Variants in ATF7 observed in about 807,000 individuals in gnomAD.
The protein encoded by ATF7 is cyclic AMP-dependent transcription factor ATF-7.
ATF7 carries 10 observed loss-of-function variants against 50.4 expected under a neutral mutation model. That is an observed-to-expected ratio of 0.20 (90% confidence interval 0.12 to 0.34). ATF7 has a LOEUF of 0.34. Among genes scored for constraint, ATF7 ranks in the 10% least tolerant of loss-of-function variants. The pLI, the probability that ATF7 is intolerant of heterozygous loss-of-function variation, is 1.00. For missense variants in ATF7, 465 were observed against 613.9 expected, an observed-to-expected ratio of 0.76 and a Z score of 2.56; for synonymous variants, 201 against 226.4, an observed-to-expected ratio of 0.89 and a Z score of 1.01.
intron 2 of ATF7, among the ~76,000 whole-genome samples, chr12:53,565,829 T>C (rs1207547380): frequency 6.6e-6 from 1 of 152,138 alleles, no homozygotes; most frequent in Non-Finnish European, 1.5e-5. Flanking sequence ...TATGACTTTT[T>C]TCAATAAGGC....
At chr12:53,550,749 C>A (rs892642695) in intron 3 of ATF7, among the ~76,000 whole-genome samples, 2 of 152,076 alleles carry the variant, frequency 1.3e-5, no homozygotes, top group Non-Finnish European at 2.9e-5. Flanking sequence ...TATGACACAC[C>A]AGGTCTTAAC....
chr12:53,508,590 G>C (rs1273788806), downstream of ATF7, among the ~76,000 whole-genome samples: 1 of 151,784 alleles, frequency 6.6e-6, no homozygotes. Flanking sequence ...TATAGAGGGA[G>C]GCTACAGGAT....
intron 2 of ATF7, among the ~76,000 whole-genome samples, chr12:53,569,399 A>G (rs959193171): frequency 1.3e-5 from 2 of 152,132 alleles, no homozygotes; most frequent in South Asian, 2.1e-4. Context: ...CTATTCTCTT[A>G]TATGTGGAAT....
At chr12:53,559,526 A>G (rs1051679100) in intron 2 of ATF7, among the ~76,000 whole-genome samples, 5 of 152,054 alleles carry the variant, frequency 3.3e-5, no homozygotes, top group African/African-American at 1.2e-4. Flanking sequence ...AAGAAATACA[A>G]AAATCAGCTG....
chr12:53,532,030 T>A (rs1938929777), intron 8 of ATF7, 134 bp from the exon 9 acceptor site: 3 of 1,042,210 alleles, frequency 2.9e-6, no homozygotes, highest in Non-Finnish European at 4.1e-6. Context: ...AACAGAGGAA[T>A]TAAGAGAAAA....
At chr12:53,570,581 G>A (rs1941691474) in intron 2 of ATF7, among the ~76,000 whole-genome samples, 1 of 152,132 alleles carries the variant, frequency 6.6e-6, no homozygotes, top group Non-Finnish European at 1.5e-5. Context: ...TCTCAGTTCT[G>A]GAGGCCAGAG....
chr12:53,601,067 A>T, intron 1 of ATF7, 46 bp from the exon 2 acceptor site: 3 of 1,241,952 alleles, frequency 2.4e-6, no homozygotes, highest in Non-Finnish European at 3.4e-6. Flanking sequence ...AATATGCTGG[A>T]GCAAAAAAAA....
At chr12:53,558,393 GA>G (rs890952711) in intron 2 of ATF7, among the ~76,000 whole-genome samples, 39 of 152,226 alleles carry the variant, frequency 2.6e-4, no homozygotes, top group Admixed American at 3.9e-4. Context: ...CAGGGGAAGA[GA>G]AAAAGAAATA....
chr12:53,554,126 TTTTTA>T (rs1940556312), intron 2 of ATF7, among the ~76,000 whole-genome samples: 1 of 114,526 alleles, frequency 8.7e-6, no homozygotes, highest in Non-Finnish European at 1.8e-5. Flanking sequence ...AAATGTTTTA[TTTTTA>T]TTTATTTATT....
chr12:53,542,792 G>T, intron 4 of ATF7: 1 of 444,914 alleles, frequency 2.2e-6, no homozygotes, highest in Non-Finnish European at 3.0e-6. Flanking sequence ...GATCTCCTTT[G>T]AAAGACAGTA....
intron 1 of ATF7, among the ~76,000 whole-genome samples, chr12:53,611,862 G>A (rs1159241008): frequency 6.6e-6 from 1 of 152,046 alleles, no homozygotes; most frequent in African/African-American, 2.4e-5. Flanking sequence ...CTAAACTGCT[G>A]GTATTACAGA....
Position 53,537,275 on chromosome 12 carries a change from C to T in ATF7, c.402+140G>A, listed in dbSNP as rs1385014976. ...GTGGAGATGGGGTTTCTCCATGTTGCCCAGGCTGGTCTTGAATTTCTGGGC... is the reference window on the plus strand; with the variant it reads ...GTGGAGATGGGGTTTCTCCATGTTGTCCAGGCTGGTCTTGAATTTCTGGGC... On this transcript the variant is annotated intron_variant, in intron 5 of 11. Coordinates refer to ENST00000420353, the MANE Select transcript of ATF7 (RefSeq NM_006856.3). 5.1e-6 allele frequency: 5 copies of T among 977,698 alleles called. No homozygotes were observed. In the Admixed American group the frequency reaches 1.4e-4, roughly 27 times the overall value. 60.6% of individuals were successfully genotyped at this position (977,698 alleles called of 1,614,324 possible).
At chr12:53,518,830 G>C (rs1270044274) in intron 11 of ATF7, among the ~76,000 whole-genome samples, 2 of 151,906 alleles carry the variant, frequency 1.3e-5, no homozygotes, top group Non-Finnish European at 2.9e-5. Context: ...CGGATCAGGA[G>C]GTCAGGAGAT....
intron 4 of ATF7, among the ~76,000 whole-genome samples, chr12:53,539,651 T>A (rs995063709): frequency 6.6e-6 from 1 of 151,882 alleles, no homozygotes; most frequent in Admixed American, 6.6e-5. Context: ...ATTCTACCAA[T>A]GCACTCTAGC....
intron 2 of ATF7, among the ~76,000 whole-genome samples, chr12:53,562,661 C>T (rs1204079062): frequency 1.3e-5 from 2 of 151,792 alleles, no homozygotes; most frequent in Middle Eastern, 3.4e-3. Context: ...TTTTTTTGCC[C>T]ATGTGTGCAA....
intron 3 of ATF7, chr12:53,543,716 G>C (rs1939709166): frequency 5.0e-6 from 2 of 398,676 alleles, no homozygotes; most frequent in South Asian, 8.5e-5. Context: ...TTTTCTCTCA[G>C]TGCTAGTTTT....
intron 1 of ATF7, among the ~76,000 whole-genome samples, chr12:53,607,508 T>C (rs1239961408): frequency 6.6e-6 from 1 of 152,198 alleles, no homozygotes; most frequent in Non-Finnish European, 1.5e-5. Context: ...CACAGTCATC[T>C]TTATGACCAA....
intron 1 of ATF7, among the ~76,000 whole-genome samples, chr12:53,620,538 T>C (rs1370895027): frequency 1.5e-5 from 2 of 133,298 alleles, no homozygotes; most frequent in African/African-American, 5.8e-5. Context: ...ATCCCGCCAC[T>C]GCACTCCAGC....
At chr12:53,555,923 C>A (rs1436807836) in intron 2 of ATF7, among the ~76,000 whole-genome samples, 2 of 152,116 alleles carry the variant, frequency 1.3e-5, no homozygotes, top group African/African-American at 4.8e-5. Flanking sequence ...TCAAGCGATT[C>A]TCCTGTCTCA....
Sources: gnomAD v4.1 joint callset for allele counts (sites outside exome capture counted in the v4.1 genomes callset) on GRCh38, gnomAD v4.1.1 for gene constraint, MANE v1.5 for transcripts, NCBI Gene and HGNC (gene_info 2026-07-23, HGNC 2026-07-21) for gene names.